Variants in ESR1 observed in about 807,000 individuals in gnomAD.
ESR1 encodes the protein estrogen receptor.
A neutral mutation model predicts 52.7 loss-of-function variants in ESR1; 12 were observed. That is an observed-to-expected ratio of 0.23 (90% CI 0.15 to 0.37). The LOEUF is 0.37. Among genes scored for constraint, ESR1 ranks in the 10% least tolerant of loss-of-function variants. The probability of loss-of-function intolerance (pLI) is 1.00; values close to 1 mark genes in which losing one functional copy is unlikely to be tolerated. For synonymous variants in ESR1, 305 were observed against 316.8 expected, an observed-to-expected ratio of 0.96 and a Z score of 0.39; for missense variants, 584 against 779.7, an observed-to-expected ratio of 0.75 and a Z score of 2.99.
At chr6:151,666,696 C>CCT (rs1777835677) in intron 1 of ESR1, among the ~76,000 whole-genome samples, 2 of 97,344 alleles carry the variant, frequency 2.1e-5, no homozygotes, top group Non-Finnish European at 4.3e-5. Context: ...TTCCCCATCC[C>CCT]CCTCCTCCTC....
upstream of ESR1, among the ~76,000 whole-genome samples, chr6:151,800,706 A>C (rs1388139535): frequency 1.3e-5 from 2 of 152,212 alleles, no homozygotes; most frequent in East Asian, 1.9e-4. Flanking sequence ...TGACCAAAAC[A>C]GTTCTCCGCA....
At chr6:152,090,847 C>G (rs574292442) in intron 6 of ESR1, among the ~76,000 whole-genome samples, 106 of 152,310 alleles carry the variant, frequency 7.0e-4, no homozygotes, top group African/African-American at 2.5e-3. Context: ...GTTTGTACCA[C>G]TCCGTTTCCC....
chr6:152,054,041 AC>A (rs2046906248), intron 5 of ESR1, among the ~76,000 whole-genome samples: 1 of 152,190 alleles, frequency 6.6e-6, no homozygotes, highest in Non-Finnish European at 1.5e-5. Flanking sequence ...GTATATTTTA[AC>A]AAGCCTATTT....
chr6:152,001,896 C>CA (rs1226997087), intron 4 of ESR1, among the ~76,000 whole-genome samples: 1 of 151,946 alleles, frequency 6.6e-6, no homozygotes, highest in East Asian at 1.9e-4. Context: ...ATTAACCCCC[C>CA]ATGTGCTTGT....
intron 1 of ESR1, among the ~76,000 whole-genome samples, chr6:151,836,780 T>G (rs1023108954): frequency 2.0e-5 from 3 of 152,182 alleles, no homozygotes; most frequent in Non-Finnish European, 4.4e-5. Context: ...TGAGGGAGCC[T>G]TATGAAGTTA....
chr6:151,937,960 T>G (rs925554527), intron 3 of ESR1, among the ~76,000 whole-genome samples: 3 of 152,194 alleles, frequency 2.0e-5, no homozygotes, highest in African/African-American at 7.2e-5. Context: ...GAATTGATAC[T>G]GGGGAGTCTC....
chr6:152,027,500 A>C (rs73009842), intron 5 of ESR1, among the ~76,000 whole-genome samples: 2,408 of 152,212 alleles, frequency 0.016, 28 homozygotes, highest in Non-Finnish European at 0.023. Flanking sequence ...TTGGTTTAAA[A>C]ATGTTTATAA....
rs538587309 is a variant in ESR1, at chr6:151,910,381, T to C, written c.760+29610T>C. Among the ~76,000 whole-genome samples, 6 of 152,310 alleles carry C rather than the reference T, an allele frequency of 3.9e-5. No individual in the cohort carries two copies. In the East Asian group the frequency reaches 7.7e-4, roughly 20 times the overall value. On this transcript the variant is annotated intron_variant, in intron 3 of 7. Coordinates refer to ENST00000206249, the MANE Select transcript of ESR1 (RefSeq NM_000125.4). Reference sequence around the variant, plus strand: ...CAATGTAAATTAACAATTATAAATATATGAGCAGGACAAAGCCCAAATGGG... The same window carrying C: ...CAATGTAAATTAACAATTATAAATACATGAGCAGGACAAAGCCCAAATGGG...
intron 2 of ESR1, among the ~76,000 whole-genome samples, chr6:151,771,482 G>A (rs969428317): frequency 2.0e-5 from 3 of 152,188 alleles, no homozygotes; most frequent in South Asian, 2.1e-4. Flanking sequence ...GCTGGCCGCC[G>A]GTGTTCATGT....
chr6:152,067,580 C>T (rs1394583539), intron 6 of ESR1, among the ~76,000 whole-genome samples: 1 of 152,170 alleles, frequency 6.6e-6, no homozygotes, highest in African/African-American at 2.4e-5. Flanking sequence ...GGAAAAAATG[C>T]TTTGGGAGGC....
chr6:151,977,572 A>G (rs1317795765), intron 4 of ESR1, among the ~76,000 whole-genome samples: 1 of 152,002 alleles, frequency 6.6e-6, no homozygotes, highest in Admixed American at 6.6e-5. Flanking sequence ...AAGGAGGTGG[A>G]TCGCTTGAGG....
At chr6:151,947,115 C>T (rs6930114) in intron 4 of ESR1, among the ~76,000 whole-genome samples, 24,433 of 152,068 alleles carry the variant, frequency 0.16, 2,250 homozygotes, top group African/African-American at 0.23. Flanking sequence ...GTCAGGAGTT[C>T]AAGACCAGCC....
rs151062931 is a variant in ESR1 at position 151,763,511 on chromosome 6, T to C, written c.-70-44332T>C. ...GATGTGCGTACATATGTGCGTCTTT[T>C]TTTTCCCCCTAGGGGTGGAATGGGG... On this transcript the variant is annotated intron_variant, in intron 2 of 2. Coordinates refer to the ESR1 transcript ENST00000404742. Among the ~76,000 whole-genome samples the C allele has an allele frequency of 1.9e-3, 296 of 152,340 alleles. 1 individual carries two copies. The highest frequency in any genetic ancestry group is 3.3e-3 in the Non-Finnish European group (222 of 68,030).
chr6:152,073,322 G>T (rs536679912), intron 6 of ESR1, among the ~76,000 whole-genome samples: 1 of 152,286 alleles, frequency 6.6e-6, no homozygotes, highest in South Asian at 2.1e-4. Context: ...GAATGAAAGG[G>T]ACTTCGATTT....
intron 1 of ESR1, among the ~76,000 whole-genome samples, chr6:151,659,650 T>C (rs527490842): frequency 1.3e-5 from 2 of 152,306 alleles, no homozygotes; most frequent in South Asian, 4.1e-4. Context: ...AGACCCTTAA[T>C]AGGAGTAATT....
rs148980593 is a variant in ESR1, at chr6:151,793,731, T to C, written c.-70-14112T>C. 3.5e-4 allele frequency among the ~76,000 whole-genome samples: 53 copies of C among 152,290 alleles called. No homozygotes were observed. The East Asian group carries it at 9.8e-3, about 28-fold the overall frequency. ...AAAACATCATTATGTGGTGCATGAC[T>C]ATATTTACTGAGCACCAAATATGTG... On this transcript the variant is annotated intron_variant, in intron 2 of 2. Transcript: ENST00000404742.
At chr6:152,074,112 G>A (rs1224297156) in intron 6 of ESR1, among the ~76,000 whole-genome samples, 1 of 151,932 alleles carries the variant, frequency 6.6e-6, no homozygotes, top group African/African-American at 2.4e-5. Context: ...AATCTACATC[G>A]ACACGTCATT....
Position 152,070,991 on chromosome 6 carries a change from T to C in ESR1, c.1369+9867T>C, listed in dbSNP as rs931660522. 1.2e-4 allele frequency among the ~76,000 whole-genome samples: 14 copies of C among 117,602 alleles called. 1 individual carries two copies. The highest frequency in any genetic ancestry group is 2.0e-4 in the Non-Finnish European group (12 of 60,640). 77.2% of individuals were successfully genotyped at this position (117,602 alleles called of 152,430 possible). ...ACCATTTATTGAGTGTTTACTACTTTCCAGGCATTGTGCTAAGTGGTAGAA... is the reference window on the plus strand; with the variant it reads ...ACCATTTATTGAGTGTTTACTACTTCCCAGGCATTGTGCTAAGTGGTAGAA... On this transcript the variant is annotated intron_variant, in intron 6 of 7. Coordinates refer to ENST00000206249, the MANE Select transcript of ESR1 (RefSeq NM_000125.4).
intron 2 of ESR1, among the ~76,000 whole-genome samples, chr6:151,753,965 A>G (rs1008251812): frequency 1.3e-5 from 2 of 152,214 alleles, no homozygotes; most frequent in Non-Finnish European, 2.9e-5. Context: ...TGCCCAAGAT[A>G]AAATCGACTA....
Sources: allele counts gnomAD v4.1 joint callset (sites outside exome capture counted in the v4.1 genomes callset), GRCh38; gene constraint gnomAD v4.1.1; transcripts MANE v1.5; gene names NCBI Gene and HGNC (gene_info 2026-07-23, HGNC 2026-07-21).